Variants in SHROOM3 observed in about 807,000 individuals in gnomAD.
The protein encoded by SHROOM3 is protein Shroom3.
A neutral mutation model predicts 138.6 loss-of-function variants in SHROOM3; 47 were observed. The ratio of observed to expected loss-of-function variants is 0.34; its 90% confidence interval spans 0.27 to 0.43. SHROOM3 has a LOEUF of 0.43. SHROOM3 is among the 20% of genes least tolerant of loss of function. SHROOM3 has a pLI of 1.00. For missense variants in SHROOM3, 2,491 were observed against 2,596.5 expected (o/e 0.96, Z 0.88); for synonymous variants, 1,062 against 1,063.3 (o/e 1.00, Z 0.02).
Position 76,740,313 on chromosome 4 carries a change from A to G in SHROOM3, c.2140A>G (p.Ser714Gly), listed in dbSNP as rs1181389335. 9 of 1,613,006 alleles carry G rather than the reference A, an allele frequency of 5.6e-6. No homozygotes were observed. The highest frequency in any genetic ancestry group is 1.7e-5 in the Admixed American group (1 of 60,008). The change falls in exon 5 of 11, where the codon AGC becomes GGC. Residue 714 changes from serine to glycine, a missense_variant. Around this residue, in one of 4 missense-constraint regions of SHROOM3, gnomAD observed 1,733 missense variants for 1,661.6 expected, o/e 1.04. Coordinates refer to ENST00000296043, the MANE Select transcript of SHROOM3 (RefSeq NM_020859.4). The surrounding 1 kb of genome is among the most constrained non-coding windows in gnomAD (Gnocchi z 4.0). Reference protein sequence around the residue: ...PGRKAAPDLGSHLDRQVSYPR... With the variant: ...PGRKAAPDLGGHLDRQVSYPR... ...GAGGAAAGCCGCTCCTGACCTCGGG[A>G]GCCATCTGGACCGGCAGGTTTCCTA...
intron 2 of SHROOM3, among the ~76,000 whole-genome samples, chr4:76,606,380 T>C (rs1020562104): frequency 1.3e-5 from 2 of 151,962 alleles, no homozygotes; most frequent in Non-Finnish European, 2.9e-5. Flanking sequence ...GTGTGGTGCA[T>C]GTTAGCTACT....
At chr4:76,701,779 G>A (rs1181733241) in intron 2 of SHROOM3, among the ~76,000 whole-genome samples, 1 of 152,138 alleles carries the variant, frequency 6.6e-6, no homozygotes, top group East Asian at 1.9e-4. Context: ...AGTTATTGGA[G>A]CTCTCAAAGT....
chr4:76,646,225 A>AATAAATAAATAAATAAAT (rs61374645), intron 2 of SHROOM3, among the ~76,000 whole-genome samples: 7 of 96,268 alleles, frequency 7.3e-5, no homozygotes, highest in Non-Finnish European at 1.4e-4. Flanking sequence ...ATAATAAATA[A>AATAAATAAATAAATAAAT]ATATATATAT....
chr4:76,488,995 A>C (rs528425327), intron 1 of SHROOM3, among the ~76,000 whole-genome samples: 1 of 152,380 alleles, frequency 6.6e-6, no homozygotes, highest in South Asian at 2.1e-4. Context: ...GCAGATTACT[A>C]GAAACTTGGA....
intron 6 of SHROOM3, among the ~76,000 whole-genome samples, chr4:76,752,569 C>T (rs1721662422): frequency 6.6e-6 from 1 of 151,782 alleles, no homozygotes; most frequent in Non-Finnish European, 1.5e-5. Context: ...TATCAGCAGA[C>T]TCTGGGTGAC....
intron 5 of SHROOM3, among the ~76,000 whole-genome samples, chr4:76,748,580 A>T (rs1721519003): frequency 6.6e-6 from 1 of 152,214 alleles, no homozygotes; most frequent in Non-Finnish European, 1.5e-5. Flanking sequence ...AACTAGGAAC[A>T]TTTGAGATTT....
chr4:76,468,700 T>C (rs1180358320), intron 1 of SHROOM3, among the ~76,000 whole-genome samples: 1 of 152,052 alleles, frequency 6.6e-6, no homozygotes, highest in African/African-American at 2.4e-5. Flanking sequence ...GTTTTGTTTG[T>C]TAATAGTGAT....
chr4:76,765,102 C>T (rs1722107140), intron 9 of SHROOM3, among the ~76,000 whole-genome samples: 1 of 150,010 alleles, frequency 6.7e-6, no homozygotes, highest in Non-Finnish European at 1.5e-5. Context: ...TATCTCCATT[C>T]TGCCAGTGAT....
chr4:76,495,663 T>A (rs1731950373), intron 1 of SHROOM3, among the ~76,000 whole-genome samples: 1 of 152,202 alleles, frequency 6.6e-6, no homozygotes, highest in Non-Finnish European at 1.5e-5. Flanking sequence ...ATTCTGGTGT[T>A]CAGGGCTCAT....
intron 2 of SHROOM3, among the ~76,000 whole-genome samples, chr4:76,666,189 A>G (rs1165309164): frequency 6.6e-6 from 1 of 152,206 alleles, no homozygotes; most frequent in Non-Finnish European, 1.5e-5. Context: ...GGTTTAAGAA[A>G]AGTCCAGTGA....
intron 2 of SHROOM3, among the ~76,000 whole-genome samples, chr4:76,646,225 A>AATATATATATATATAT (rs371944513): frequency 2.9e-4 from 28 of 96,218 alleles, no homozygotes; most frequent in African/African-American, 1.0e-3. Context: ...ATAATAAATA[A>AATATATATATATATAT]ATATATATAT....
intron 2 of SHROOM3, among the ~76,000 whole-genome samples, chr4:76,609,387 A>G (rs1734714766): frequency 6.6e-6 from 1 of 152,164 alleles, no homozygotes; most frequent in African/African-American, 2.4e-5. Flanking sequence ...GGCTCAAGCA[A>G]TCCTCTTGCT....
chr4:76,545,275 C>G (rs1216850934), intron 1 of SHROOM3, among the ~76,000 whole-genome samples: 2 of 152,182 alleles, frequency 1.3e-5, no homozygotes, highest in Non-Finnish European at 2.9e-5. Context: ...TCTTAAGGCA[C>G]TGAGCGGAGT....
chr4:76,608,683 C>CAT (rs1734694978), intron 2 of SHROOM3, among the ~76,000 whole-genome samples: 4 of 29,720 alleles, frequency 1.3e-4, no homozygotes, highest in African/African-American at 4.0e-4. Flanking sequence ...TAGCACAGCA[C>CAT]AGCACAGCAC....
At chr4:76,731,177 A>T (rs968876436) in intron 4 of SHROOM3, among the ~76,000 whole-genome samples, 7 of 152,166 alleles carry the variant, frequency 4.6e-5, no homozygotes, top group African/African-American at 1.7e-4. Flanking sequence ...GCCATTTGAG[A>T]TATTTATGGG....
intron 2 of SHROOM3, among the ~76,000 whole-genome samples, chr4:76,570,908 C>G (rs1733822102): frequency 6.6e-6 from 1 of 152,112 alleles, no homozygotes; most frequent in Non-Finnish European, 1.5e-5. Flanking sequence ...AATGGGGGCA[C>G]TTGACACTAA....
intron 2 of SHROOM3, 84 bp downstream of exon 2, chr4:76,555,847 T>A (rs1429022390): frequency 1.3e-6 from 2 of 1,492,630 alleles, no homozygotes; most frequent in East Asian, 4.7e-5. Context: ...GGAAAAGAGC[T>A]CGGGGTTGGT....
chr4:76,629,623 C>A (rs554612539), intron 2 of SHROOM3, among the ~76,000 whole-genome samples: 3 of 152,010 alleles, frequency 2.0e-5, no homozygotes, highest in Non-Finnish European at 4.4e-5. Flanking sequence ...TGGATCATAG[C>A]GAGGGAGATG....
intron 7 of SHROOM3, 55 bp from the exon 8 acceptor site, chr4:76,756,394 T>C: frequency 6.5e-7 from 1 of 1,528,134 alleles, no homozygotes; most frequent in Non-Finnish European, 8.8e-7. Context: ...CCTTCTCTTA[T>C]CACTCTCTCT....
Sources: allele counts gnomAD v4.1 joint callset (sites outside exome capture counted in the v4.1 genomes callset), GRCh38; gene constraint gnomAD v4.1.1; regional missense constraint gnomAD v4.1.1; non-coding constraint Gnocchi (gnomAD v3.1); transcripts MANE v1.5; gene names NCBI Gene and HGNC (gene_info 2026-07-23, HGNC 2026-07-21).